CNTN3: variants seen among roughly 807,000 people sequenced by gnomAD.
The protein encoded by CNTN3 is contactin-3.
CNTN3 carries 60 observed loss-of-function variants against 119.1 expected under a neutral mutation model. The observed-to-expected ratio is 0.50, with a 90% confidence interval of 0.41 to 0.62. CNTN3 has a LOEUF of 0.62. Ranked by LOEUF, CNTN3 falls within the 20% of genes least tolerant of loss-of-function variation. The pLI is 0.00. For synonymous variants in CNTN3, 450 were observed against 438.7 expected, an observed-to-expected ratio of 1.03 and a Z score of -0.32; for missense variants, 1,101 against 1,242.4, an observed-to-expected ratio of 0.89 and a Z score of 1.71.
intron 5 of CNTN3, among the ~76,000 whole-genome samples, chr3:74,374,652 C>A (rs1185095541): frequency 6.6e-6 from 1 of 152,096 alleles, no homozygotes; most frequent in Non-Finnish European, 1.5e-5. Flanking sequence ...GAGATTCCCA[C>A]TGAAGGAAGA....
chr3:74,353,622 G>A (rs903293836), intron 11 of CNTN3, among the ~76,000 whole-genome samples: 5 of 152,054 alleles, frequency 3.3e-5, no homozygotes, highest in Admixed American at 6.5e-5. Context: ...CGGGCGTGGT[G>A]GCAGGCGCCT....
At chr3:74,369,413 A>C (rs759272330) in intron 7 of CNTN3, 40 bp from the exon 8 acceptor site, 2 of 1,481,588 alleles carry the variant, frequency 1.3e-6, no homozygotes, top group South Asian at 2.8e-5. Context: ...ATTGTCTGGA[A>C]GCCTTTTCAA....
chr3:74,409,439 C>T (rs891253819), intron 5 of CNTN3, among the ~76,000 whole-genome samples: 1 of 148,836 alleles, frequency 6.7e-6, no homozygotes, highest in Admixed American at 6.8e-5. Flanking sequence ...GAACCTCTTC[C>T]AGTTTTTTGT....
intron 5 of CNTN3, among the ~76,000 whole-genome samples, chr3:74,391,126 T>C (rs897260577): frequency 6.6e-6 from 1 of 152,178 alleles, no homozygotes; most frequent in African/African-American, 2.4e-5. Context: ...ACATGGAAGG[T>C]AGCAGCCTTG....
intron 1 of CNTN3, among the ~76,000 whole-genome samples, chr3:74,557,153 T>C (rs1304026325): frequency 6.6e-6 from 1 of 152,222 alleles, no homozygotes; most frequent in African/African-American, 2.4e-5. Flanking sequence ...AATCTGATTT[T>C]TCTCTTTTTT....
intron 4 of CNTN3, among the ~76,000 whole-genome samples, chr3:74,447,749 C>T (rs1483158061): frequency 6.6e-6 from 1 of 152,138 alleles, no homozygotes; most frequent in Non-Finnish European, 1.5e-5. Flanking sequence ...ATGTTATCAT[C>T]CCTGAGGTGG....
In CNTN3 at chr3:74,370,097, T is replaced by C. The variant is rs750064760; in HGVS notation, c.659-106A>G. ...TGCTCCCATTTTGAACCAGCTCTTC[T>C]AGTGATTTCAATTAAATAAAATTTA... On this transcript the variant is annotated intron_variant, in intron 6 of 22. Coordinates refer to ENST00000263665, the MANE Select transcript of CNTN3 (RefSeq NM_020872.3). 22 of 605,766 alleles carry C rather than the reference T, an allele frequency of 3.6e-5. 1 individual carries two copies. The highest frequency in any genetic ancestry group is 4.6e-5 in the South Asian group (2 of 43,392). The allele number at this position is 605,766 out of a possible 1,614,324, so 37.5% of individuals were successfully genotyped here.
chr3:74,602,132 A>C (rs745646509), intron 1 of CNTN3, among the ~76,000 whole-genome samples: 1 of 151,694 alleles, frequency 6.6e-6, no homozygotes, highest in Non-Finnish European at 1.5e-5. Flanking sequence ...AGTACAAAAA[A>C]TTAAAAATTA....
chr3:74,338,014 C>A (rs1703437068), intron 11 of CNTN3, among the ~76,000 whole-genome samples: 1 of 151,982 alleles, frequency 6.6e-6, no homozygotes, highest in Admixed American at 6.6e-5. Flanking sequence ...TAATTATGTT[C>A]TCTTTCTTTG....
intron 4 of CNTN3, among the ~76,000 whole-genome samples, chr3:74,444,240 C>T (rs994916668): frequency 1.3e-5 from 2 of 151,846 alleles, no homozygotes; most frequent in Non-Finnish European, 2.9e-5. Context: ...AAACAACATC[C>T]CATTCTGAGG....
rs1379087663 is a variant in CNTN3, at chr3:74,454,042, C to G, written c.359-29102G>C. 2.8e-3 allele frequency among the ~76,000 whole-genome samples: 394 copies of G among 142,138 alleles called. 1 individual carries two copies. The highest frequency in any genetic ancestry group is 9.8e-3 in the African/African-American group (376 of 38,282). The allele number at this position is 142,138 out of a possible 152,430, so 93.2% of individuals were successfully genotyped here. On this transcript the variant is annotated intron_variant, in intron 4 of 22. Transcript: ENST00000263665. ...TCTATTAGGTCCGCTTGGTGCAGAG[C>G]TGAGTTCAATTCCTGGGTATCCTTG... is the stretch of plus-strand genomic sequence containing the variant.
intron 1 of CNTN3, among the ~76,000 whole-genome samples, 148 bp downstream of exon 1, chr3:74,614,243 A>T (rs1197370386): frequency 4.6e-5 from 7 of 152,184 alleles, no homozygotes; most frequent in African/African-American, 1.7e-4. Context: ...TGAGAGAAGC[A>T]TCTTTTATTC....
chr3:74,605,848 G>GGGAAAT (rs1280246982), intron 1 of CNTN3, among the ~76,000 whole-genome samples: 1 of 152,142 alleles, frequency 6.6e-6, no homozygotes, highest in African/African-American at 2.4e-5. Context: ...TCAAGGGAAA[G>GGGAAAT]GGAAATGGAC....
intron 4 of CNTN3, among the ~76,000 whole-genome samples, chr3:74,475,311 T>G (rs577514649): frequency 6.6e-6 from 1 of 152,246 alleles, no homozygotes; most frequent in Admixed American, 6.5e-5. Context: ...CAAATGCATA[T>G]CTAAGCAAAA....
rs866763794 is a variant in CNTN3 at position 74,353,964 on chromosome 3, C to A, written c.1364+7926G>T. Among the ~76,000 whole-genome samples the A allele has an allele frequency of 3.5e-4, 54 of 152,122 alleles. No individual in the cohort carries two copies. The Middle Eastern group carries it at 0.014, about 39-fold the overall frequency. On this transcript the variant is annotated intron_variant, in intron 11 of 22. Transcript: ENST00000263665. ...AGTCAACCTCTACACCCACTCCCAG[C>A]CTCTGGCAAGCAGTGATCACTATTT...
At chr3:74,278,596 C>T (rs1701930097) in intron 20 of CNTN3, among the ~76,000 whole-genome samples, 1 of 152,126 alleles carries the variant, frequency 6.6e-6, no homozygotes, top group African/African-American at 2.4e-5. Context: ...TCACCTTATA[C>T]AAAAATCAAC....
At chr3:74,363,449 T>C (rs1704119973) in intron 10 of CNTN3, among the ~76,000 whole-genome samples, 1 of 152,162 alleles carries the variant, frequency 6.6e-6, no homozygotes, top group Non-Finnish European at 1.5e-5. Context: ...CCTCTACCTC[T>C]CCACACCAAC....
At chr3:74,397,522 C>A (rs1559581139) in intron 5 of CNTN3, among the ~76,000 whole-genome samples, 1 of 151,830 alleles carries the variant, frequency 6.6e-6, no homozygotes, top group African/African-American at 2.4e-5. Flanking sequence ...CTCTCTCTCT[C>A]TCTCTCTCTC....
intron 11 of CNTN3, among the ~76,000 whole-genome samples, chr3:74,350,456 A>C (rs1703787602): frequency 6.6e-6 from 1 of 152,212 alleles, no homozygotes; most frequent in Admixed American, 6.5e-5. Context: ...AAAAGGGAAC[A>C]CATATACTGC....
Sources: gnomAD v4.1 joint callset for allele counts (sites outside exome capture counted in the v4.1 genomes callset) on GRCh38, gnomAD v4.1.1 for gene constraint, MANE v1.5 for transcripts, NCBI Gene and HGNC (gene_info 2026-07-23, HGNC 2026-07-21) for gene names.